DOCK7: variants seen among roughly 807,000 people sequenced by gnomAD.
The protein encoded by DOCK7 is dedicator of cytokinesis 7.
In DOCK7, 138 loss-of-function variants were observed where a neutral mutation model predicts 271.0. That is an observed-to-expected ratio of 0.51 (90% CI 0.44 to 0.59). The LOEUF (loss-of-function observed/expected upper bound fraction) is 0.59, where lower values mean the gene tolerates loss of function less well. Among genes scored for constraint, DOCK7 ranks in the 20% least tolerant of loss-of-function variants. DOCK7 has a pLI of 0.00. For synonymous variants in DOCK7, 823 were observed against 876.1 expected, an observed-to-expected ratio of 0.94 and a Z score of 1.07; for missense variants, 2,066 against 2,592.4, an observed-to-expected ratio of 0.80 and a Z score of 4.41.
At chr1:62,547,524 T>C (rs923787481) in intron 22 of DOCK7, among the ~76,000 whole-genome samples, 3 of 152,190 alleles carry the variant, frequency 2.0e-5, no homozygotes, top group Non-Finnish European at 4.4e-5. Context: ...ACTTGTGTTA[T>C]ATTACAAAGA....
intron 1 of DOCK7, 149 bp downstream of exon 1, chr1:62,688,078 C>T: frequency 9.5e-7 from 1 of 1,054,290 alleles, no homozygotes; most frequent in Non-Finnish European, 1.2e-6. Context: ...CCTCAGCCAC[C>T]CCGAACCCCT....
rs201632522 is a variant in DOCK7, at chr1:62,620,165, C to CA, written c.1426-173dup. Among the ~76,000 whole-genome samples, 1,041 of 150,610 alleles carry CA rather than the reference C, an allele frequency of 6.9e-3. 12 individuals are homozygous for CA. Among genetic ancestry groups the CA allele is most frequent in the African/African-American group, 0.024 (996 of 40,996 alleles). Reference sequence around the variant, plus strand: ...TGAAACCCCGTCTCTACTAAAAATACAAAAAAAATTAGCCAGGCATGGTGG... The same window carrying CA: ...TGAAACCCCGTCTCTACTAAAAATACAAAAAAAAATTAGCCAGGCATGGTGG... On this transcript the variant is annotated intron_variant, in intron 12 of 49. Transcript: ENST00000635253.
rs909447896 is a variant in DOCK7 at position 62,619,962 on chromosome 1, T to C, written c.1457A>G (p.Tyr486Cys). 6.2e-7 allele frequency: 1 copy of C among 1,613,890 alleles called. No homozygotes were observed. Among genetic ancestry groups the C allele is most frequent in the Non-Finnish European group, 8.5e-7 (1 of 1,179,838 alleles). ...EGDRLSDEDL[Y>C]KFLADMRRPS... ...CCTTCTCATATCAGCAAGGAATTTG[T>C]AGAGATCTTCATCACTTAAGCGGTC... Residue 486 changes from tyrosine (Y) to cysteine (C), a missense_variant, in exon 13 of 50, where the codon TAC becomes TGC. Around this residue, in one of 2 missense-constraint regions of DOCK7, gnomAD observed 1,414 missense variants for 1,670.4 expected, o/e 0.85. Coordinates refer to ENST00000635253, the MANE Select transcript of DOCK7 (RefSeq NM_001367561.1).
intron 15 of DOCK7, among the ~76,000 whole-genome samples, chr1:62,586,160 C>T (rs754552182): frequency 5.1e-4 from 77 of 152,100 alleles, no homozygotes; most frequent in African/African-American, 1.3e-3. Context: ...GAATCACAGA[C>T]GCCAAAAGTA....
intron 14 of DOCK7, chr1:62,607,791 A>C (rs776042539): frequency 9.2e-5 from 14 of 152,166 alleles, no homozygotes; most frequent in Non-Finnish European, 1.9e-4. Flanking sequence ...ATACTTTATA[A>C]ATCTATCTTC....
At chr1:62,663,181 A>G in intron 1 of DOCK7, 51 bp from the exon 2 acceptor site, 1 of 1,338,112 alleles carries the variant, frequency 7.5e-7, no homozygotes, top group Non-Finnish European at 1.0e-6. Context: ...AAAAAAAACT[A>G]AACTAGTTTA....
At chr1:62,614,627 A>T (rs1436886372) in intron 14 of DOCK7, among the ~76,000 whole-genome samples, 1 of 152,028 alleles carries the variant, frequency 6.6e-6, no homozygotes, top group Non-Finnish European at 1.5e-5. Context: ...GCCAAAAACA[A>T]TAACAACTTC....
chr1:62,496,575 T>A, intron 37 of DOCK7, 78 bp from the exon 38 acceptor site: 1 of 1,346,610 alleles, frequency 7.4e-7, no homozygotes, highest in Non-Finnish European at 1.0e-6. Context: ...TTGCTAAAAG[T>A]ATATTTAGTG....
rs914429120 is a variant in DOCK7 at position 62,489,069 on chromosome 1, T to C, written c.5362-4A>G. 1.9e-6 allele frequency: 3 copies of C among 1,550,302 alleles called. No individual in the cohort carries two copies. Among genetic ancestry groups the C allele is most frequent in the Middle Eastern group, 1.8e-4 (1 of 5,442 alleles). ...TAACTGCTTCATACATGCCAGCCTATAAGAAAAAATTTTGTTAAGATGTTG... is the reference window on the plus strand; with the variant it reads ...TAACTGCTTCATACATGCCAGCCTACAAGAAAAAATTTTGTTAAGATGTTG... On this transcript the variant is annotated splice_polypyrimidine_tract_variant and splice_region_variant and intron_variant, in intron 41 of 49. Coordinates refer to ENST00000635253, the MANE Select transcript of DOCK7 (RefSeq NM_001367561.1).
chr1:62,661,097 GAAA>G (rs759373674), intron 2 of DOCK7, among the ~76,000 whole-genome samples: 3 of 116,520 alleles, frequency 2.6e-5, no homozygotes, highest in Admixed American at 8.9e-5. Context: ...GAACCTGTCT[GAAA>G]AAAAAAAAAA....
Position 62,475,266 on chromosome 1 carries a change from G to A in DOCK7, c.6047C>T (p.Ala2016Val). The A allele has an allele frequency of 6.2e-7, 1 of 1,614,022 alleles. No homozygotes were observed. Among genetic ancestry groups the A allele is most frequent in the Non-Finnish European group, 8.5e-7 (1 of 1,179,952 alleles). The stretch of plus-strand genomic sequence containing the variant: ...TACCATCTGAAGCATTTTGGGGTCT[G>A]CGGGATCCTGATGTGTTGCAAATGC... ...ELAFATHQDP[A>V]DPKMLQMVLQ... The change falls in exon 47 of 50, where the codon GCA becomes GTA. Residue 2016 changes from alanine (A) to valine (V), a missense_variant. Physicochemically the swap from Ala to Val is moderately conservative, Grantham distance 64 (BLOSUM62 0). Around this residue, in one of 2 missense-constraint regions of DOCK7, gnomAD observed 652 missense variants for 922.1 expected, o/e 0.71. Coordinates refer to ENST00000635253, the MANE Select transcript of DOCK7 (RefSeq NM_001367561.1).
chr1:62,622,588 G>A (rs1051265285), intron 12 of DOCK7, among the ~76,000 whole-genome samples: 6 of 151,938 alleles, frequency 3.9e-5, no homozygotes, highest in Non-Finnish European at 8.8e-5. Flanking sequence ...CAAGTAGCTG[G>A]GACTACAGGT....
chr1:62,661,232 A>G (rs752545776), intron 2 of DOCK7, among the ~76,000 whole-genome samples: 48 of 152,308 alleles, frequency 3.2e-4, no homozygotes, highest in African/African-American at 7.2e-4. Context: ...AGGCAAATTC[A>G]TAAAGGCAGG....
intron 14 of DOCK7, chr1:62,605,777 G>C (rs2149548718): frequency 6.6e-6 from 1 of 152,286 alleles, no homozygotes; most frequent in Admixed American, 6.5e-5. Context: ...CAAAGACCCA[G>C]TCCCTAAATT....
intron 12 of DOCK7, among the ~76,000 whole-genome samples, chr1:62,623,980 C>G (rs975544492): frequency 2.0e-5 from 3 of 152,154 alleles, no homozygotes; most frequent in Non-Finnish European, 4.4e-5. Flanking sequence ...ATTTCCTCTT[C>G]TTACTCAGAA....
chr1:62,545,178 G>T, intron 22 of DOCK7, 139 bp from the exon 23 acceptor site: 1 of 635,710 alleles, frequency 1.6e-6, no homozygotes. Flanking sequence ...AAATTTGTAG[G>T]CACCTATAGA....
intron 37 of DOCK7, among the ~76,000 whole-genome samples, chr1:62,502,885 C>G (rs1448578863): frequency 5.9e-5 from 9 of 152,054 alleles, no homozygotes; most frequent in Non-Finnish European, 1.2e-4. Context: ...CAAAGCAAAA[C>G]TCAACTCTTA....
chr1:62,592,151 T>C (rs1347953019), intron 14 of DOCK7, among the ~76,000 whole-genome samples: 1 of 152,206 alleles, frequency 6.6e-6, no homozygotes, highest in Non-Finnish European at 1.5e-5. Flanking sequence ...CAAATTCTTT[T>C]CCATTTGACT....
chr1:62,661,292 T>C (rs1658633715), intron 2 of DOCK7, among the ~76,000 whole-genome samples: 1 of 152,074 alleles, frequency 6.6e-6, no homozygotes. Context: ...TGGGAAGTTA[T>C]TGTTTAATGG....
Sources: gnomAD v4.1 joint callset for allele counts (sites outside exome capture counted in the v4.1 genomes callset) on GRCh38, gnomAD v4.1.1 for gene constraint, gnomAD v4.1.1 regional missense constraint, MANE v1.5 for transcripts, NCBI Gene and HGNC (gene_info 2026-07-23, HGNC 2026-07-21) for gene names.